MRTFB: variants seen among roughly 807,000 people sequenced by gnomAD.
MRTFB encodes myocardin related transcription factor B.
Under a neutral mutation model 104.2 loss-of-function variants are expected in MRTFB, and 29 were observed. The ratio of observed to expected loss-of-function variants is 0.28; its 90% CI spans 0.21 to 0.38. The LOEUF (loss-of-function observed/expected upper bound fraction) is 0.38, where lower values mean the gene tolerates loss of function less well. MRTFB is among the 10% of genes least tolerant of loss of function. The pLI, the probability that MRTFB is intolerant of heterozygous loss-of-function variation, is 1.00. For missense variants in MRTFB, 1,270 were observed against 1,341.6 expected, an observed-to-expected ratio of 0.95 and a Z score of 0.83; for synonymous variants, 535 against 519.5, an observed-to-expected ratio of 1.03 and a Z score of -0.41.
At chr16:14,128,777 C>T (rs1030349004) in intron 2 of MRTFB, among the ~76,000 whole-genome samples, 1 of 152,210 alleles carries the variant, frequency 6.6e-6, no homozygotes, top group Non-Finnish European at 1.5e-5. Context: ...AACCATATCG[C>T]AATAATCTTG....
chr16:14,262,680 T>C lies in MRTFB; in HGVS notation c.*1236T>C, dbSNP rs2043817618. ...TGGAGGCTTTATTAGTGTTTTTATA[T>C]AGAAAACAGTTATTACATATGTGTT... On this transcript the variant is annotated 3_prime_UTR_variant, in exon 17 of 17. Coordinates refer to ENST00000571589, the MANE Select transcript of MRTFB (RefSeq NM_001308142.2). 1 of 152,264 alleles carries C rather than the reference T, an allele frequency of 6.6e-6. No individual in the cohort carries two copies. The highest frequency in any genetic ancestry group is 2.1e-4 in the South Asian group (1 of 4,834). 9.4% of individuals were successfully genotyped at this position (152,264 alleles called of 1,614,324 possible).
chr16:14,201,454 A>G (rs2040699982), intron 3 of MRTFB, among the ~76,000 whole-genome samples: 1 of 152,174 alleles, frequency 6.6e-6, no homozygotes, highest in South Asian at 2.1e-4. Flanking sequence ...GTAAGTTAGA[A>G]ATAATTGTTA....
intron 1 of MRTFB, among the ~76,000 whole-genome samples, chr16:14,076,823 A>C (rs1281442446): frequency 1.3e-5 from 2 of 152,190 alleles, no homozygotes; most frequent in Non-Finnish European, 2.9e-5. Context: ...GATTCGTGTC[A>C]GTCTCGTAGA....
At chr16:14,216,594 A>AAT (rs1316243371) in intron 6 of MRTFB, among the ~76,000 whole-genome samples, 1 of 152,200 alleles carries the variant, frequency 6.6e-6, no homozygotes, top group Non-Finnish European at 1.5e-5. Flanking sequence ...TGTATTCAGA[A>AAT]ATAAACCCAA....
intron 16 of MRTFB, among the ~76,000 whole-genome samples, chr16:14,260,521 T>G (rs74979376): frequency 1.3e-5 from 2 of 152,294 alleles, no homozygotes; most frequent in Non-Finnish European, 2.9e-5. Context: ...CTTAAAACTT[T>G]AATGACAAAA....
rs148737384 is a variant in MRTFB at position 14,225,288 on chromosome 16, A to G, written c.693+6290A>G. 7.5e-3 allele frequency among the ~76,000 whole-genome samples: 1,138 copies of G among 152,364 alleles called. 8 individuals carry two copies. Among genetic ancestry groups the G allele is most frequent in the Non-Finnish European group, 8.8e-3 (602 of 68,034 alleles). On this transcript the variant is annotated intron_variant, in intron 8 of 16. Transcript: ENST00000571589. Reference sequence around the variant, plus strand: ...TTTTCCTACAGGATTTAAAATACACATTCATTAAAAATTACAAATCTATGT... The same window carrying G: ...TTTTCCTACAGGATTTAAAATACACGTTCATTAAAAATTACAAATCTATGT...
At chr16:14,218,004 G>A (rs191758759) in intron 7 of MRTFB, among the ~76,000 whole-genome samples, 51 of 152,248 alleles carry the variant, frequency 3.3e-4, no homozygotes, top group Non-Finnish European at 5.0e-4. Flanking sequence ...AAGTGGGAGC[G>A]TATCAACATA....
At chr16:14,219,140 G>A in intron 8 of MRTFB, 142 bp downstream of exon 8, 1 of 773,812 alleles carries the variant, frequency 1.3e-6, no homozygotes, top group East Asian at 3.1e-5. Flanking sequence ...GCACTTAACT[G>A]CCCTCCAGGA....
the MRTFB span, among the ~76,000 whole-genome samples, chr16:14,038,841 C>T: frequency 6.6e-6 from 1 of 152,172 alleles, no homozygotes; most frequent in Non-Finnish European, 1.5e-5. Context: ...TTAATGGACT[C>T]ACAGTTCCAC....
the MRTFB span, among the ~76,000 whole-genome samples, chr16:14,006,078 C>A: frequency 6.6e-6 from 1 of 152,122 alleles, no homozygotes; most frequent in African/African-American, 2.4e-5. Flanking sequence ...TGTGGTGGCT[C>A]ACACCTGTAA....
chr16:14,003,624 G>A, the MRTFB span, among the ~76,000 whole-genome samples: 2 of 48,678 alleles, frequency 4.1e-5, no homozygotes, highest in African/African-American at 1.2e-4. Context: ...GGGCCGGCCG[G>A]CCTGCCTGCC....
At chr16:14,140,393 A>G (rs923665758) in intron 2 of MRTFB, among the ~76,000 whole-genome samples, 151 bp from the exon 3 acceptor site, 1 of 152,224 alleles carries the variant, frequency 6.6e-6, no homozygotes, top group African/African-American at 2.4e-5. Context: ...CCTGTTAGAT[A>G]AAGAACCTGA....
chr16:14,132,428 G>A (rs1034825345), intron 2 of MRTFB, among the ~76,000 whole-genome samples: 2 of 152,030 alleles, frequency 1.3e-5, no homozygotes, highest in South Asian at 4.1e-4. Flanking sequence ...GAACCCAAAA[G>A]TATTTTGAAG....
At chr16:14,063,102 G>A in the MRTFB span, among the ~76,000 whole-genome samples, 1 of 152,192 alleles carries the variant, frequency 6.6e-6, no homozygotes, top group Non-Finnish European at 1.5e-5. Context: ...CAGATACAAC[G>A]CTGTCTCCTA....
At chr16:14,210,157 A>G in intron 3 of MRTFB, 86 bp from the exon 4 acceptor site, 1 of 949,216 alleles carries the variant, frequency 1.1e-6, no homozygotes, top group Admixed American at 2.2e-5. Context: ...TGCTTGATAA[A>G]GCTTAATTGC....
intron 2 of MRTFB, among the ~76,000 whole-genome samples, chr16:14,139,950 C>T (rs984096941): frequency 6.6e-6 from 1 of 152,328 alleles, no homozygotes; most frequent in South Asian, 2.1e-4. Context: ...ACTTCTGTTG[C>T]TGATTTCCAT....
chr16:14,032,058 T>C, the MRTFB span, among the ~76,000 whole-genome samples: 1 of 152,212 alleles, frequency 6.6e-6, no homozygotes, highest in Non-Finnish European at 1.5e-5. Flanking sequence ...TCTGCCCACC[T>C]CAGCCTCCTA....
intron 2 of MRTFB, among the ~76,000 whole-genome samples, chr16:14,138,649 G>T (rs181896893): frequency 6.6e-6 from 1 of 152,194 alleles, no homozygotes; most frequent in Non-Finnish European, 1.5e-5. Context: ...CATGGAGTCT[G>T]CCCTGCATGT....
intron 2 of MRTFB, among the ~76,000 whole-genome samples, chr16:14,127,929 A>ATTTTT (rs67001306): frequency 9.0e-5 from 4 of 44,638 alleles, no homozygotes; most frequent in African/African-American, 3.6e-4. Flanking sequence ...ATATATATAT[A>ATTTTT]TTTTTTTTTT....
Sources: allele counts gnomAD v4.1 joint callset (sites outside exome capture counted in the v4.1 genomes callset), GRCh38; gene constraint gnomAD v4.1.1; transcripts MANE v1.5; gene names NCBI Gene and HGNC (gene_info 2026-07-23, HGNC 2026-07-21).